The following PCSK6 variants were observed in gnomAD, a reference collection of about 807,000 sequenced individuals.
PCSK6 encodes the protein paired basic amino acid cleaving enzyme 4.
PCSK6 carries 85 observed loss-of-function variants against 123.3 expected under a neutral mutation model. The observed-to-expected ratio is 0.69, with a 90% CI of 0.58 to 0.83. PCSK6 has a LOEUF of 0.83. PCSK6 is among the 40% of genes least tolerant of loss of function. The pLI is 0.00. For missense variants in PCSK6, 1,191 were observed against 1,282.3 expected (o/e 0.93, Z 1.09); for synonymous variants, 508 against 516.0 (o/e 0.98, Z 0.21).
chr15:101,484,510 T>A (rs1194319870), intron 1 of PCSK6, among the ~76,000 whole-genome samples: 1 of 152,186 alleles, frequency 6.6e-6, no homozygotes, highest in Non-Finnish European at 1.5e-5. Flanking sequence ...TGCCTCAGCC[T>A]CCTGAGTAGC....
chr15:101,344,457 T>C (rs2040686760), intron 13 of PCSK6, among the ~76,000 whole-genome samples: 3 of 152,218 alleles, frequency 2.0e-5, no homozygotes, highest in Non-Finnish European at 4.4e-5. Flanking sequence ...TGCCATAACA[T>C]TTCTGTTTGG....
At position 101,307,247 on chromosome 15, in the gene PCSK6, C is replaced by T. The variant is rs760939259; in HGVS notation, c.2778G>A (p.Gly926=). The T allele has an allele frequency of 1.2e-6, 2 of 1,613,672 alleles. No individual in the cohort carries two copies. Among genetic ancestry groups the T allele is most frequent in the African/African-American group, 1.3e-5 (1 of 74,902 alleles). ...SRCKTGFTQL[G]TSCITNHTCS... is the part of the protein sequence containing the mutation. ...ACGTGTGGTTGGTGATGCAGGAGGTCCCCAGCTGTGTGAAGCCCGTCTTAC... is the reference window on the plus strand; with the variant it reads ...ACGTGTGGTTGGTGATGCAGGAGGTTCCCAGCTGTGTGAAGCCCGTCTTAC... Residue 926 remains glycine, a synonymous_variant, in exon 21 of 22, where the codon GGG becomes GGA. Coordinates refer to ENST00000611716, the MANE Select transcript of PCSK6 (RefSeq NM_002570.5).
rs193163598 is a variant in PCSK6 at position 101,439,350 on chromosome 15, T to C, written c.402+4206A>G. Among the ~76,000 whole-genome samples, 3 of 152,384 alleles carry C rather than the reference T, an allele frequency of 2.0e-5. No homozygotes were observed. The East Asian group carries it at 5.8e-4, about 29-fold the overall frequency. On this transcript the variant is annotated intron_variant, in intron 2 of 21. Transcript: ENST00000611716. ...AGCATGTCGTGAAAGAATAAAATGC[T>C]GTCTTTTAAGGTAAATTTACACATT...
At chr15:101,461,616 T>A (rs566315112) in intron 1 of PCSK6, among the ~76,000 whole-genome samples, 2 of 151,992 alleles carry the variant, frequency 1.3e-5, no homozygotes, top group Admixed American at 1.3e-4. Flanking sequence ...GAAAGCCAAA[T>A]TCAGCAACGA....
chr15:101,322,493 A>G (rs1347066391), intron 18 of PCSK6, 27 bp downstream of exon 18: 10 of 1,491,518 alleles, frequency 6.7e-6, no homozygotes, highest in African/African-American at 1.4e-5. Context: ...CCGCCCTGAC[A>G]TTCCTCAGGT....
chr15:101,393,495 A>T, intron 7 of PCSK6, 71 bp from the exon 8 acceptor site: 1 of 1,180,632 alleles, frequency 8.5e-7, no homozygotes, highest in Non-Finnish European at 1.2e-6. Context: ...CCCCGAACCT[A>T]GAGTCCCATC....
At chr15:101,378,595 T>C (rs1054939746) in intron 11 of PCSK6, among the ~76,000 whole-genome samples, 1 of 152,222 alleles carries the variant, frequency 6.6e-6, no homozygotes, top group African/African-American at 2.4e-5. Context: ...CACCAGGCAG[T>C]AAAGAGACTG....
chr15:101,480,730 T>C (rs1345536242), intron 1 of PCSK6, among the ~76,000 whole-genome samples: 1 of 152,156 alleles, frequency 6.6e-6, no homozygotes, highest in Non-Finnish European at 1.5e-5. Context: ...TAGTGGGGCC[T>C]TCAGGGGACA....
At chr15:101,325,309 C>T (rs1295534909) in intron 16 of PCSK6, among the ~76,000 whole-genome samples, 2 of 152,190 alleles carry the variant, frequency 1.3e-5, no homozygotes, top group Non-Finnish European at 2.9e-5. Flanking sequence ...CCAAGGGCAT[C>T]GTGAGGTTCG....
At chr15:101,409,284 T>C (rs184739417) in intron 6 of PCSK6, among the ~76,000 whole-genome samples, 191 of 133,438 alleles carry the variant, frequency 1.4e-3, no homozygotes, top group African/African-American at 4.7e-3. Context: ...GGTGAAACCC[T>C]GTCTCTATTA....
At chr15:101,484,930 A>G (rs763721530) in intron 1 of PCSK6, among the ~76,000 whole-genome samples, 4 of 152,154 alleles carry the variant, frequency 2.6e-5, no homozygotes, top group Non-Finnish European at 4.4e-5. Context: ...ACATTCTTAT[A>G]CAAGTCTCTT....
chr15:101,333,437 T>C (rs1044289102), intron 13 of PCSK6, among the ~76,000 whole-genome samples: 33 of 152,270 alleles, frequency 2.2e-4, no homozygotes, highest in African/African-American at 8.0e-4. Context: ...GCTGGCTCAA[T>C]GTCTCTGTTG....
chr15:101,325,179 G>A (rs2040222664), intron 16 of PCSK6, 133 bp from the exon 17 acceptor site: 2 of 640,218 alleles, frequency 3.1e-6, no homozygotes, highest in Non-Finnish European at 2.7e-6. Context: ...GTCTTGGTGA[G>A]TGCAGTTCTG....
chr15:101,448,936 C>T (rs1449993199), intron 1 of PCSK6, among the ~76,000 whole-genome samples: 2 of 152,010 alleles, frequency 1.3e-5, no homozygotes, highest in Non-Finnish European at 2.9e-5. Flanking sequence ...TGTCTGTATA[C>T]GAGTGTGTGT....
rs566119392 is a variant in PCSK6 at position 101,343,106 on chromosome 15, A to C, written c.1859-11075T>G. Among the ~76,000 whole-genome samples the C allele has an allele frequency of 3.9e-5, 6 of 152,330 alleles. No individual in the cohort carries two copies. The South Asian group carries it at 1.0e-3, about 26-fold the overall frequency. ...TCTTTAATAGGACAATTTTAATTTT[A>C]TGTAAACGTGTCAATTTTGTTAAGT... On this transcript the variant is annotated intron_variant, in intron 13 of 21. Coordinates refer to ENST00000611716, the MANE Select transcript of PCSK6 (RefSeq NM_002570.5).
At chr15:101,318,831 C>T (rs1324738652) in intron 18 of PCSK6, among the ~76,000 whole-genome samples, 2 of 152,240 alleles carry the variant, frequency 1.3e-5, no homozygotes, top group African/African-American at 4.8e-5. Context: ...ACGGGGCTGT[C>T]GGCTACAAGG....
intron 13 of PCSK6, among the ~76,000 whole-genome samples, chr15:101,353,482 T>C (rs1430880897): frequency 6.6e-6 from 1 of 152,170 alleles, no homozygotes; most frequent in African/African-American, 2.4e-5. Context: ...CCTGCTCTTG[T>C]GGACTGGTCA....
chr15:101,339,044 T>C (rs1386621823), intron 13 of PCSK6, among the ~76,000 whole-genome samples: 1 of 152,246 alleles, frequency 6.6e-6, no homozygotes, highest in Non-Finnish European at 1.5e-5. Context: ...TATGGTTGAA[T>C]TTGCCAACAG....
chr15:101,338,439 G>A (rs1197148578), intron 13 of PCSK6, among the ~76,000 whole-genome samples: 2 of 152,146 alleles, frequency 1.3e-5, no homozygotes, highest in African/African-American at 4.8e-5. Flanking sequence ...CCCCCAAGAG[G>A]CCACATTCTC....
Sources: gnomAD v4.1 joint callset for allele counts (sites outside exome capture counted in the v4.1 genomes callset) on GRCh38, gnomAD v4.1.1 for gene constraint, MANE v1.5 for transcripts, NCBI Gene and HGNC (gene_info 2026-07-23, HGNC 2026-07-21) for gene names.